Variants in RPS6KA2 observed in about 807,000 individuals in gnomAD.
The protein encoded by RPS6KA2 is ribosomal protein S6 kinase alpha-2.
In RPS6KA2, 42 loss-of-function variants were observed where a neutral mutation model predicts 91.8. That is an observed-to-expected ratio of 0.46 (90% CI 0.36 to 0.59). The LOEUF (loss-of-function observed/expected upper bound fraction) is 0.59, where lower values mean the gene tolerates loss of function less well. Ranked by LOEUF, RPS6KA2 falls within the 20% of genes least tolerant of loss-of-function variation. RPS6KA2 has a pLI of 0.00. For synonymous variants in RPS6KA2, 414 were observed against 393.6 expected (o/e 1.05, Z -0.61); for missense variants, 798 against 978.5 (o/e 0.82, Z 2.46).
intron 2 of RPS6KA2, among the ~76,000 whole-genome samples, chr6:166,783,673 CAT>C (rs1778832928): frequency 6.6e-6 from 1 of 152,108 alleles, no homozygotes; most frequent in Non-Finnish European, 1.5e-5. Flanking sequence ...TATGTATACA[CAT>C]GTGCACACCT....
At chr6:166,456,901 T>C (rs1562506583) in intron 12 of RPS6KA2, among the ~76,000 whole-genome samples, 1 of 152,244 alleles carries the variant, frequency 6.6e-6, no homozygotes, top group Non-Finnish European at 1.5e-5. Context: ...GTGCATTGTG[T>C]CTAATTATGT....
In RPS6KA2 at chr6:166,783,748, C is replaced by T. The variant is rs190722335; in HGVS notation, c.123+74452G>A. On this transcript the variant is annotated intron_variant, in intron 2 of 21. Transcript: ENST00000503859. ...ATCACATACACGCGTGGACACCTAT[C>T]TAAAACCACATATACACATGTGCAC... is the stretch of plus-strand genomic sequence containing the variant. Among the ~76,000 whole-genome samples, 5 of 150,622 alleles carry T rather than the reference C, an allele frequency of 3.3e-5. No individual in the cohort carries two copies. The South Asian group carries it at 1.0e-3, about 31-fold the overall frequency.
intron 2 of RPS6KA2, among the ~76,000 whole-genome samples, chr6:166,855,219 G>A (rs1780854896): frequency 6.6e-6 from 1 of 152,158 alleles, no homozygotes; most frequent in Non-Finnish European, 1.5e-5. Context: ...AAAATCACAT[G>A]TTGGGTTCTG....
At chr6:166,416,093 A>G (rs1391654141) in intron 19 of RPS6KA2, among the ~76,000 whole-genome samples, 5 of 142,242 alleles carry the variant, frequency 3.5e-5, no homozygotes, top group African/African-American at 1.4e-4. Context: ...TCCTTCCTCC[A>G]TCACCTCCAC....
chr6:166,652,090 G>A (rs1156242685), intron 2 of RPS6KA2, among the ~76,000 whole-genome samples: 3 of 152,234 alleles, frequency 2.0e-5, no homozygotes, highest in Admixed American at 6.5e-5. Flanking sequence ...TGAGAATACT[G>A]TTTTTTGAAC....
chr6:166,420,660 C>T (rs1353030424), intron 17 of RPS6KA2, among the ~76,000 whole-genome samples: 1 of 152,196 alleles, frequency 6.6e-6, no homozygotes, highest in Non-Finnish European at 1.5e-5. Flanking sequence ...CTCGTGGCTT[C>T]CACCTTTTGG....
rs555594970 is a variant in RPS6KA2 at position 166,702,413 on chromosome 6, A to C, written c.123+155787T>G. 1.2e-5 allele frequency: 20 copies of C among 1,600,654 alleles called. No individual in the cohort carries two copies. In the African/African-American group the frequency reaches 2.0e-4, roughly 16 times the overall value. ...GAAATTCTCTAACTGAAATCCATTC[A>C]GTTTGTCTAGTGCTTGTCTAGCGCT... On this transcript the variant is annotated intron_variant, in intron 2 of 21. Transcript: ENST00000503859.
chr6:166,615,629 C>T (rs549550730), intron 1 of RPS6KA2, among the ~76,000 whole-genome samples: 3 of 152,276 alleles, frequency 2.0e-5, no homozygotes, highest in South Asian at 2.1e-4. Context: ...ACCGTGTGCT[C>T]GCTCCGCTCA....
At chr6:166,577,336 G>A (rs771756230) in intron 1 of RPS6KA2, among the ~76,000 whole-genome samples, 5 of 152,184 alleles carry the variant, frequency 3.3e-5, no homozygotes, top group Non-Finnish European at 7.4e-5. Context: ...TAGATCCAAC[G>A]ACAGCTTGCA....
At chr6:166,470,018 G>A (rs1194948841) in intron 10 of RPS6KA2, 113 bp from the exon 11 acceptor site, 2 of 942,996 alleles carry the variant, frequency 2.1e-6, no homozygotes, top group East Asian at 2.5e-5. Context: ...CCGTGGGAAG[G>A]AGCCCAGAGG....
intron 2 of RPS6KA2, among the ~76,000 whole-genome samples, chr6:166,813,347 A>G (rs1262145281): frequency 6.6e-6 from 1 of 152,170 alleles, no homozygotes; most frequent in African/African-American, 2.4e-5. Context: ...AAGCAGCCAA[A>G]CCTATAAAGG....
At chr6:166,858,323 C>A (rs1780963531) in intron 1 of RPS6KA2, 1 of 858,464 alleles carries the variant, frequency 1.2e-6, no homozygotes, top group Non-Finnish European at 1.9e-6. Context: ...TGGCCTCATA[C>A]AGGTTACCAA....
In RPS6KA2 at chr6:166,733,574, A is replaced by AT. The variant is rs1490734425; in HGVS notation, c.123+124625dup. On this transcript the variant is annotated intron_variant, in intron 2 of 21. Coordinates refer to the RPS6KA2 transcript ENST00000503859. This position sits in a 1 kb window ranked among gnomAD's most constrained non-coding sequence, Gnocchi z 4.1. Reference sequence around the variant, plus strand: ...TCATTTTCTTCGTCTGATAATCTTAATTTTATCTTGTAGCATGTATGTATG... The same window carrying AT: ...TCATTTTCTTCGTCTGATAATCTTAATTTTTATCTTGTAGCATGTATGTATG... Among the ~76,000 whole-genome samples, 1 of 152,048 alleles carries AT rather than the reference A, an allele frequency of 6.6e-6. No homozygotes were observed. Among genetic ancestry groups the AT allele is most frequent in the East Asian group, 1.9e-4 (1 of 5,188 alleles).
intron 3 of RPS6KA2, among the ~76,000 whole-genome samples, chr6:166,511,491 C>T (rs1782478932): frequency 6.6e-6 from 1 of 152,194 alleles, no homozygotes. Context: ...TCTGGGAATA[C>T]AGATGTAATT....
upstream of RPS6KA2, among the ~76,000 whole-genome samples, chr6:166,628,841 C>T (rs1222712997): frequency 1.3e-5 from 2 of 152,236 alleles, no homozygotes; most frequent in Admixed American, 1.3e-4. Context: ...TTAAATAGTG[C>T]AATTGATTTT....
chr6:166,714,932 T>G (rs1002880138), intron 2 of RPS6KA2, among the ~76,000 whole-genome samples: 1 of 152,258 alleles, frequency 6.6e-6, no homozygotes, highest in Non-Finnish European at 1.5e-5. Flanking sequence ...TTCTCTCTGC[T>G]GCAGGCCAGG....
intron 10 of RPS6KA2, among the ~76,000 whole-genome samples, chr6:166,483,620 C>T (rs567451731): frequency 6.6e-6 from 1 of 152,146 alleles, no homozygotes; most frequent in Non-Finnish European, 1.5e-5. Flanking sequence ...AAGGGTAAAT[C>T]GCATCCTCAC....
At chr6:166,529,925 C>T (rs1413479637) in intron 3 of RPS6KA2, among the ~76,000 whole-genome samples, 1 of 152,226 alleles carries the variant, frequency 6.6e-6, no homozygotes, top group Non-Finnish European at 1.5e-5. Flanking sequence ...ATAGAATTTT[C>T]ACCAGAAGTC....
chr6:166,773,792 T>C (rs1156838509), intron 2 of RPS6KA2, among the ~76,000 whole-genome samples: 1 of 152,168 alleles, frequency 6.6e-6, no homozygotes, highest in Non-Finnish European at 1.5e-5. Context: ...GAATTTATTA[T>C]CATCATGGCT....
Sources: allele counts gnomAD v4.1 joint callset (sites outside exome capture counted in the v4.1 genomes callset), GRCh38; gene constraint gnomAD v4.1.1; non-coding constraint Gnocchi (gnomAD v3.1); transcripts MANE v1.5; gene names NCBI Gene and HGNC (gene_info 2026-07-23, HGNC 2026-07-21).